The following PHF21B variants were observed in gnomAD, a reference collection of about 807,000 sequenced individuals.
PHF21B encodes PHD finger protein 4.
A neutral mutation model predicts 62.2 loss-of-function variants in PHF21B; 22 were observed. That is an observed-to-expected ratio of 0.35 (90% CI 0.25 to 0.51). The LOEUF is 0.51. Ranked by LOEUF, PHF21B falls within the 20% of genes least tolerant of loss-of-function variation. The pLI is 0.97. For synonymous variants in PHF21B, 341 were observed against 314.7 expected (o/e 1.08, Z -0.88); for missense variants, 701 against 707.9 (o/e 0.99, Z 0.11).
intron 2 of PHF21B, among the ~76,000 whole-genome samples, chr22:44,930,676 G>C (rs2071724320): frequency 6.6e-6 from 1 of 152,184 alleles, no homozygotes; most frequent in African/African-American, 2.4e-5. Flanking sequence ...CTGCCACCAG[G>C]GGCCCTGAAT....
At position 44,932,240 on chromosome 22, in the gene PHF21B, TG is replaced by T. The variant is rs1483614160; in HGVS notation, c.121-11751del. 2.6e-5 allele frequency among the ~76,000 whole-genome samples: 4 copies of T among 152,316 alleles called. No homozygotes were observed. In the South Asian group the frequency reaches 8.3e-4, roughly 32 times the overall value. On this transcript the variant is annotated intron_variant, in intron 2 of 12. Transcript: ENST00000313237. ...TAAGGGCTGCCAGGAGAGGGCAGAT[TG>T]GGGGGCGAATGCCCCACCCCAGAGA...
intron 2 of PHF21B, among the ~76,000 whole-genome samples, chr22:44,960,974 T>TTTTTG (rs1555950962): frequency 6.7e-6 from 1 of 150,192 alleles, no homozygotes. Context: ...TTTTTTTTTT[T>TTTTTG]GAGAAGGAGT....
chr22:44,985,715 A>C (rs1040665257), intron 2 of PHF21B, among the ~76,000 whole-genome samples: 2 of 152,340 alleles, frequency 1.3e-5, no homozygotes, highest in African/African-American at 4.8e-5. Flanking sequence ...ATGGCAAAGC[A>C]ACATGGAAAA....
chr22:44,893,954 A>G (rs2071012670), intron 6 of PHF21B, among the ~76,000 whole-genome samples: 1 of 152,246 alleles, frequency 6.6e-6, no homozygotes, highest in South Asian at 2.1e-4. Context: ...GCCTCTACCC[A>G]GGTGGCCTCT....
rs750977416 is a variant in PHF21B, at chr22:44,916,468, G to C, written c.376C>G (p.Pro126Ala). The change falls in exon 4 of 13, where the codon CCC becomes GCC. Residue 126 changes from proline (P) to alanine (A), a missense_variant. Transcript: ENST00000313237. ...GCGAGGGCCTGGGGCTGGCTGCCGG[G>C]CGCTGGCACATGGCTGACAGTGTTG... Reference protein sequence around the residue: ...ANNTVSHVPAPGSQPQALAEP... With the variant: ...ANNTVSHVPAAGSQPQALAEP... 12 of 1,604,706 alleles carry C rather than the reference G, an allele frequency of 7.5e-6. No individual in the cohort carries two copies. Among genetic ancestry groups the C allele is most frequent in the Non-Finnish European group, 1.0e-5 (12 of 1,178,588 alleles).
intron 2 of PHF21B, chr22:45,003,538 G>C (rs984530528): frequency 6.6e-6 from 1 of 152,372 alleles, no homozygotes; most frequent in African/African-American, 2.4e-5. Flanking sequence ...GGCAGAGGCC[G>C]AGCAGGTGGG....
At chr22:44,885,767 C>T (rs538170223) in intron 11 of PHF21B, 96 bp downstream of exon 11, 2 of 1,308,032 alleles carry the variant, frequency 1.5e-6, no homozygotes, top group African/African-American at 1.5e-5. Context: ...AGGGAATGGA[C>T]CCACCTGTCC....
intron 5 of PHF21B, among the ~76,000 whole-genome samples, chr22:44,900,494 T>C (rs182926969): frequency 1.3e-5 from 2 of 152,282 alleles, no homozygotes; most frequent in Admixed American, 1.3e-4. Context: ...AGAGATGGGG[T>C]TTCACCATGT....
In PHF21B at chr22:44,988,932, CT is replaced by C. The variant is rs2072998520; in HGVS notation, c.120+19612del. ...CTGCTTCAAAGATGGTGCCTGGCTG[CT>C]GTGTCCTCACGAAGGCAGACAGACA... On this transcript the variant is annotated intron_variant, in intron 2 of 12. Coordinates refer to ENST00000313237, the MANE Select transcript of PHF21B (RefSeq NM_138415.5). Among the ~76,000 whole-genome samples the C allele has an allele frequency of 2.6e-5, 4 of 152,196 alleles. No individual in the cohort carries two copies. In the South Asian group the frequency reaches 8.3e-4, roughly 31 times the overall value.
chr22:44,892,336 G>A (rs1171232690), intron 7 of PHF21B, among the ~76,000 whole-genome samples: 1 of 152,242 alleles, frequency 6.6e-6, no homozygotes, highest in Non-Finnish European at 1.5e-5. Context: ...GGCAGAAGTA[G>A]AGGAAAGGCG....
At chr22:44,979,470 TGACCCCTTCCTGCAGCCCCTG>T (rs2072798383) in intron 2 of PHF21B, among the ~76,000 whole-genome samples, 1 of 152,182 alleles carries the variant, frequency 6.6e-6, no homozygotes, top group South Asian at 2.1e-4. Context: ...AGGCAGACCC[TGACCCCTTCCTGCAGCCCCTG>T]GAGGGCAGCC....
chr22:44,904,135 C>T lies in PHF21B; in HGVS notation c.832-8052G>A, dbSNP rs146125567. ...TTTTGAGCATATGTTTCTAACTATA[C>T]ACTTTTCTAATAAAGGCTGGAGTTA... On this transcript the variant is annotated intron_variant, in intron 5 of 12. Coordinates refer to ENST00000313237, the MANE Select transcript of PHF21B (RefSeq NM_138415.5). Among the ~76,000 whole-genome samples, 16 of 152,232 alleles carry T rather than the reference C, an allele frequency of 1.1e-4. 1 individual carries two copies. Among genetic ancestry groups the T allele is most frequent in the Non-Finnish European group, 2.2e-4 (15 of 68,018 alleles).
chr22:44,924,706 G>T (rs2071598753), intron 2 of PHF21B, among the ~76,000 whole-genome samples: 1 of 152,210 alleles, frequency 6.6e-6, no homozygotes, highest in African/African-American at 2.4e-5. Context: ...ATAAGAAACT[G>T]ATTTCTGTTG....
intron 7 of PHF21B, among the ~76,000 whole-genome samples, chr22:44,891,916 G>T (rs1465902145): frequency 6.6e-6 from 1 of 152,142 alleles, no homozygotes; most frequent in Non-Finnish European, 1.5e-5. Context: ...TGCGGCTGTT[G>T]TAATACTGCG....
At chr22:44,909,952 T>G (rs1022710271) in intron 5 of PHF21B, among the ~76,000 whole-genome samples, 3 of 152,236 alleles carry the variant, frequency 2.0e-5, no homozygotes, top group African/African-American at 7.2e-5. Flanking sequence ...GTTAGAGTCC[T>G]TGGTAGCCAT....
chr22:44,889,874 G>C, intron 8 of PHF21B, 92 bp from the exon 9 acceptor site: 23 of 1,333,202 alleles, frequency 1.7e-5, no homozygotes, highest in Non-Finnish European at 2.3e-5. Context: ...TGTGGCAAGG[G>C]CTCTTACCCC....
intron 2 of PHF21B, among the ~76,000 whole-genome samples, chr22:44,942,344 C>A (rs965893812): frequency 6.6e-6 from 1 of 152,138 alleles, no homozygotes; most frequent in African/African-American, 2.4e-5. Context: ...CCTGGGGGCA[C>A]CCTCTGCCCG....
intron 5 of PHF21B, among the ~76,000 whole-genome samples, chr22:44,909,721 C>G (rs1476616418): frequency 6.6e-6 from 1 of 152,232 alleles, no homozygotes. Context: ...TCCTTTCCCA[C>G]TCGTGTGCTA....
At chr22:45,002,662 C>T (rs1372781663) in intron 2 of PHF21B, among the ~76,000 whole-genome samples, 1 of 152,266 alleles carries the variant, frequency 6.6e-6, no homozygotes, top group East Asian at 1.9e-4. Context: ...CTGACCTGCC[C>T]TCAGCACCCC....
Sources: gnomAD v4.1 joint callset for allele counts (sites outside exome capture counted in the v4.1 genomes callset) on GRCh38, gnomAD v4.1.1 for gene constraint, MANE v1.5 for transcripts, NCBI Gene and HGNC (gene_info 2026-07-23, HGNC 2026-07-21) for gene names.